Variants in CWC25 observed in about 807,000 individuals in gnomAD.
The protein encoded by CWC25 is pre-mRNA-splicing factor CWC25 homolog.
A neutral mutation model predicts 54.6 loss-of-function variants in CWC25; 31 were observed. That is an observed-to-expected ratio of 0.57 (90% CI 0.43 to 0.77). The LOEUF (loss-of-function observed/expected upper bound fraction) is 0.77, where lower values mean the gene tolerates loss of function less well. CWC25 is among the 30% of genes least tolerant of loss of function. The pLI is 0.00. For missense variants in CWC25, 453 were observed against 529.3 expected (o/e 0.86, Z 1.41); for synonymous variants, 151 against 187.0 (o/e 0.81, Z 1.57).
intron 6 of CWC25, among the ~76,000 whole-genome samples, chr17:38,809,138 C>T (rs1232870310): frequency 6.7e-6 from 1 of 150,334 alleles, no homozygotes; most frequent in Non-Finnish European, 1.5e-5. Context: ...CATCAACCTA[C>T]ACACTTAGGC....
chr17:38,808,724 T>C (rs1261922292), intron 6 of CWC25, among the ~76,000 whole-genome samples: 2 of 151,490 alleles, frequency 1.3e-5, no homozygotes, highest in Non-Finnish European at 2.9e-5. Flanking sequence ...GAGGTTGCAG[T>C]GAGCTGAGAT....
intron 4 of CWC25, among the ~76,000 whole-genome samples, chr17:38,812,098 C>T (rs1195547454): frequency 3.3e-5 from 5 of 152,006 alleles, no homozygotes; most frequent in African/African-American, 7.2e-5. Context: ...ACCACCACCC[C>T]GGCTAATTTT....
chr17:38,808,003 C>A (rs1334888027), intron 6 of CWC25, among the ~76,000 whole-genome samples: 1 of 134,562 alleles, frequency 7.4e-6, no homozygotes, highest in African/African-American at 2.7e-5. Context: ...TTGCAGTGAG[C>A]CGAGATGGCG....
chr17:38,804,839 G>A (rs919653418), intron 8 of CWC25, among the ~76,000 whole-genome samples: 1 of 150,160 alleles, frequency 6.7e-6, no homozygotes, highest in Non-Finnish European at 1.5e-5. Flanking sequence ...GGGCGTGGTG[G>A]CTCACGCCTG....
At chr17:38,810,920 C>CA (rs71352314) in intron 4 of CWC25, among the ~76,000 whole-genome samples, 8,687 of 71,346 alleles carry the variant, frequency 0.12, 1,764 homozygotes, top group African/African-American at 0.42. Context: ...AACTGTGTCT[C>CA]AAAAAAAAAA....
chr17:38,823,221 G>A (rs866245921), intron 1 of CWC25, among the ~76,000 whole-genome samples: 1 of 146,324 alleles, frequency 6.8e-6, no homozygotes, highest in African/African-American at 2.5e-5. Flanking sequence ...GTGCAGTGGT[G>A]CAATCTTGGC....
chr17:38,817,719 G>A (rs1034669006), intron 2 of CWC25, among the ~76,000 whole-genome samples: 3 of 151,956 alleles, frequency 2.0e-5, no homozygotes, highest in Non-Finnish European at 4.4e-5. Context: ...CTCAAGAGGC[G>A]GAGGTTACAG....
At chr17:38,805,767 G>A (rs1911211775) in intron 8 of CWC25, among the ~76,000 whole-genome samples, 2 of 151,982 alleles carry the variant, frequency 1.3e-5, no homozygotes, top group African/African-American at 4.8e-5. Flanking sequence ...CCAAAGCGCT[G>A]AGATTACAAG....
At chr17:38,815,964 T>C (rs1598075416) in intron 2 of CWC25, among the ~76,000 whole-genome samples, 1 of 152,236 alleles carries the variant, frequency 6.6e-6, no homozygotes, top group Admixed American at 6.5e-5. Context: ...CGTGAATCAT[T>C]AGGTAACTAT....
At chr17:38,817,255 G>A (rs982020334) in intron 2 of CWC25, among the ~76,000 whole-genome samples, 22 of 150,912 alleles carry the variant, frequency 1.5e-4, no homozygotes, top group African/African-American at 4.4e-4. Context: ...GAGGAGAATC[G>A]CTTGAACCCG....
intron 2 of CWC25, among the ~76,000 whole-genome samples, chr17:38,816,165 A>G (rs1407618245): frequency 3.3e-5 from 5 of 152,212 alleles, no homozygotes; most frequent in Non-Finnish European, 4.4e-5. Flanking sequence ...CCAATACTAC[A>G]TTCACACTGC....
intron 6 of CWC25, 116 bp from the exon 7 acceptor site, chr17:38,807,092 CG>C (rs538522277): frequency 3.5e-5 from 24 of 693,010 alleles, no homozygotes; most frequent in African/African-American, 1.1e-4. Context: ...GAGGCCGAGG[CG>C]GGGGGGATCA....
chr17:38,813,186 G>A (rs1004409712), intron 3 of CWC25, among the ~76,000 whole-genome samples: 1 of 151,294 alleles, frequency 6.6e-6, no homozygotes, highest in African/African-American at 2.4e-5. Context: ...GCTGGGTGCA[G>A]TGGCTCATCT....
At position 38,801,560 on chromosome 17, in the gene CWC25, G is replaced by GT. The variant is rs1911027645; in HGVS notation, c.*531dup. ...CAATTTTACATCCAAAGATCAAATAGTTAACAGTTCATTTAGGGCTTTTTG... is the reference window on the plus strand; with the variant it reads ...CAATTTTACATCCAAAGATCAAATAGTTTAACAGTTCATTTAGGGCTTTTTG... On this transcript the variant is annotated 3_prime_UTR_variant, in exon 10 of 10. Coordinates refer to ENST00000614790, the MANE Select transcript of CWC25 (RefSeq NM_017748.5). 1.3e-5 allele frequency: 2 copies of GT among 152,262 alleles called. No individual in the cohort carries two copies. The highest frequency in any genetic ancestry group is 4.1e-4 in the South Asian group (2 of 4,846). 9.4% of individuals were successfully genotyped at this position (152,262 alleles called of 1,614,324 possible).
chr17:38,809,009 C>T (rs1911370828), intron 6 of CWC25, among the ~76,000 whole-genome samples: 1 of 150,968 alleles, frequency 6.6e-6, no homozygotes, highest in Middle Eastern at 3.4e-3. Context: ...ACTTGTACTT[C>T]CAGCTACTCA....
intron 2 of CWC25, 74 bp from the exon 3 acceptor site, chr17:38,815,171 G>A: frequency 2.3e-6 from 3 of 1,315,744 alleles, no homozygotes; most frequent in South Asian, 2.6e-5. Context: ...CTAAAACCTG[G>A]ACACAAGGGA....
At chr17:38,816,252 CT>C (rs915951496) in intron 2 of CWC25, among the ~76,000 whole-genome samples, 4 of 151,812 alleles carry the variant, frequency 2.6e-5, no homozygotes, top group African/African-American at 7.3e-5. Context: ...CTTTTTTGTT[CT>C]TTTTTTTCTT....
intron 6 of CWC25, among the ~76,000 whole-genome samples, chr17:38,808,068 A>AAAAAG (rs1291822461): frequency 3.2e-5 from 4 of 124,064 alleles, no homozygotes; most frequent in African/African-American, 1.3e-4. Context: ...AAAAAAAAAA[A>AAAAAG]AAAAGAAAAG....
chr17:38,815,229 C>T (rs1034834439), intron 2 of CWC25, 132 bp from the exon 3 acceptor site: 17 of 773,906 alleles, frequency 2.2e-5, no homozygotes, highest in Non-Finnish European at 3.3e-5. Context: ...ACCTACCATG[C>T]AATAAACACG....
Sources: gnomAD v4.1 joint callset for allele counts (sites outside exome capture counted in the v4.1 genomes callset) on GRCh38, gnomAD v4.1.1 for gene constraint, MANE v1.5 for transcripts, NCBI Gene and HGNC (gene_info 2026-07-23, HGNC 2026-07-21) for gene names.